The following IRS1 variants were observed in gnomAD, a reference collection of about 807,000 sequenced individuals.
The protein encoded by IRS1 is insulin receptor substrate 1.
Under a neutral mutation model 65.6 loss-of-function variants are expected in IRS1, and 34 were observed. The ratio of observed to expected loss-of-function variants is 0.52; its 90% CI spans 0.39 to 0.69. The LOEUF is 0.69. Ranked by LOEUF, IRS1 falls within the 30% of genes least tolerant of loss-of-function variation. The pLI is 0.00. For synonymous variants in IRS1, 699 were observed against 683.5 expected (o/e 1.02, Z -0.35); for missense variants, 1,641 against 1,720.2 (o/e 0.95, Z 0.81).
chr2:226,777,721 C>G (rs1227822653), intron 1 of IRS1, among the ~76,000 whole-genome samples: 1 of 152,194 alleles, frequency 6.6e-6, no homozygotes, highest in Non-Finnish European at 1.5e-5. Flanking sequence ...TGCACAAGCT[C>G]TCTTTTTGCC....
chr2:226,785,400 T>C (rs57211760), intron 1 of IRS1, among the ~76,000 whole-genome samples: 22,873 of 152,066 alleles, frequency 0.15, 2,140 homozygotes, highest in South Asian at 0.27. Context: ...GTCAGGAGTC[T>C]GAGACCAGTT....
chr2:226,762,169 A>G (rs1268150066), intron 1 of IRS1, among the ~76,000 whole-genome samples: 1 of 152,192 alleles, frequency 6.6e-6, no homozygotes, highest in Non-Finnish European at 1.5e-5. Flanking sequence ...TTAGTTACTC[A>G]AAATCTTGAC....
At position 226,799,818 on chromosome 2, in the gene IRS1, G is replaced by A; in HGVS notation, c.-1080C>T. On this transcript the variant is annotated 5_prime_UTR_variant, in exon 1 of 2. Coordinates refer to ENST00000305123, the MANE Select transcript of IRS1 (RefSeq NM_005544.3). The surrounding 1 kb of genome is among the most constrained non-coding windows in gnomAD (Gnocchi z 6.1). Reference sequence around the variant, plus strand: ...CTCCGCGCTCGGCAGCCGGGCAGCCGCCGCCGGGAGGCTCCCGCCCGGGTC... The same window carrying A: ...CTCCGCGCTCGGCAGCCGGGCAGCCACCGCCGGGAGGCTCCCGCCCGGGTC... 1 of 987,010 alleles carries A rather than the reference G, an allele frequency of 1.0e-6. No individual in the cohort carries two copies. The highest frequency in any genetic ancestry group is 1.2e-6 in the Non-Finnish European group (1 of 829,672). The allele number at this position is 987,010 out of a possible 1,614,324, so 61.1% of individuals were successfully genotyped here.
chr2:226,752,072 T>C (rs1938695636), intron 1 of IRS1, among the ~76,000 whole-genome samples: 1 of 152,192 alleles, frequency 6.6e-6, no homozygotes, highest in Admixed American at 6.5e-5. Context: ...TATTAAGACA[T>C]GCTTGCTCCC....
chr2:226,757,531 G>T (rs1444266499), intron 1 of IRS1, among the ~76,000 whole-genome samples: 1 of 152,118 alleles, frequency 6.6e-6, no homozygotes, highest in East Asian at 1.9e-4. Context: ...CAAGAAAATT[G>T]CTTGAACCCG....
chr2:226,747,441 T>G (rs1446161841), intron 1 of IRS1, among the ~76,000 whole-genome samples: 1 of 152,038 alleles, frequency 6.6e-6, no homozygotes, highest in African/African-American at 2.4e-5. Flanking sequence ...CACAGGAGGC[T>G]ACAATAAGAA....
chr2:226,749,110 A>G (rs1206818423), intron 1 of IRS1, among the ~76,000 whole-genome samples: 1 of 152,236 alleles, frequency 6.6e-6, no homozygotes, highest in Non-Finnish European at 1.5e-5. Context: ...ACAGGCTATA[A>G]TTAACACTTA....
chr2:226,798,065 A>G lies in IRS1; in HGVS notation c.674T>C (p.Val225Ala). Residue 225 changes from valine (V) to alanine (A), a missense_variant, in exon 1 of 2, where the codon GTG becomes GCG. Transcript: ENST00000305123. This position sits in a 1 kb window ranked among gnomAD's most constrained non-coding sequence, Gnocchi z 9.4. The stretch of plus-strand genomic sequence containing the variant: ...GGGCCCCGTCACGGCAGAACGGCCC[A>G]CCTCGATGAAGAAGAAGTTTTCCGA... ...GHSENFFFIE[V>A]GRSAVTGPGE... 1 of 1,614,010 alleles carries G rather than the reference A, an allele frequency of 6.2e-7. No individual in the cohort carries two copies. Among genetic ancestry groups the G allele is most frequent in the Middle Eastern group, 1.6e-4 (1 of 6,062 alleles).
At position 226,749,039 on chromosome 2, in the gene IRS1, C is replaced by T. The variant is rs535570761; in HGVS notation, c.*22-12789G>A. On this transcript the variant is annotated intron_variant, in intron 1 of 1. Transcript: ENST00000305123. The stretch of plus-strand genomic sequence containing the variant: ...TCTTTCTAGACCATAGCCTGAGACG[C>T]TGACAAAATGCTTTCAAAATAAAAG... Among the ~76,000 whole-genome samples, 9 of 152,214 alleles carry T rather than the reference C, an allele frequency of 5.9e-5. No homozygotes were observed. The South Asian group carries it at 1.7e-3, about 28-fold the overall frequency.
At position 226,799,077 on chromosome 2, in the gene IRS1, G is replaced by T. The variant is rs1238045600; in HGVS notation, c.-339C>A. On this transcript the variant is annotated 5_prime_UTR_variant, in exon 1 of 2. Transcript: ENST00000305123. This position sits in a 1 kb window ranked among gnomAD's most constrained non-coding sequence, Gnocchi z 6.1. ...AAGGAGCGAAGATGCATCTCTCGTC[G>T]CCCCGGCTGGAGTCCGGCACAGGGA... is the stretch of plus-strand genomic sequence containing the variant. 2 of 1,251,078 alleles carry T rather than the reference G, an allele frequency of 1.6e-6. No individual in the cohort carries two copies. Among genetic ancestry groups the T allele is most frequent in the African/African-American group, 1.6e-5 (1 of 63,944 alleles). The allele number at this position is 1,251,078 out of a possible 1,614,324, so 77.5% of individuals were successfully genotyped here.
At position 226,798,940 on chromosome 2, in the gene IRS1, C is replaced by G. The variant is rs1181190627; in HGVS notation, c.-202G>C. On this transcript the variant is annotated 5_prime_UTR_variant, in exon 1 of 2. Transcript: ENST00000305123. The surrounding 1 kb of genome is among the most constrained non-coding windows in gnomAD (Gnocchi z 9.4). ...CAGCTGCTGAGCCCAGGAGAGAGCC[C>G]GACCGGAGTTTTCGGGCGCTTCACG... 8.3e-6 allele frequency: 12 copies of G among 1,449,454 alleles called. No individual in the cohort carries two copies. Among genetic ancestry groups the G allele is most frequent in the African/African-American group, 5.7e-5 (4 of 69,652 alleles). The allele number at this position is 1,449,454 out of a possible 1,614,324, so 89.8% of individuals were successfully genotyped here.
intron 1 of IRS1, among the ~76,000 whole-genome samples, chr2:226,766,548 G>A (rs1342861598): frequency 6.6e-6 from 1 of 152,070 alleles, no homozygotes; most frequent in Non-Finnish European, 1.5e-5. Flanking sequence ...TGACTCATCT[G>A]CTAGATCTTT....
At position 226,797,122 on chromosome 2, in the gene IRS1, G is replaced by A; in HGVS notation, c.1617C>T (p.Thr539=). ...TGGAAGCCACTGAGGACTGGGACGG[G>A]GTCTTCTGGTGGGTAATGGTAGGGG... The part of the protein sequence containing the change: ...GTSPTITHQK[T]PSQSSVASIE... The change falls in exon 1 of 2, where the codon ACC becomes ACT. Residue 539 remains threonine, a synonymous_variant. Coordinates refer to ENST00000305123, the MANE Select transcript of IRS1 (RefSeq NM_005544.3). The surrounding 1 kb of genome is among the most constrained non-coding windows in gnomAD (Gnocchi z 8.1). 6.2e-7 allele frequency: 1 copy of A among 1,613,844 alleles called. No homozygotes were observed. Among genetic ancestry groups the A allele is most frequent in the Non-Finnish European group, 8.5e-7 (1 of 1,180,014 alleles).
intron 1 of IRS1, among the ~76,000 whole-genome samples, chr2:226,777,900 C>T (rs1182472530): frequency 6.6e-6 from 1 of 152,026 alleles, no homozygotes; most frequent in African/African-American, 2.4e-5. Flanking sequence ...AATCCACTGA[C>T]CCTATTATTA....
At position 226,754,765 on chromosome 2, in the gene IRS1, T is replaced by C. The variant is rs1365156952; in HGVS notation, c.*22-18515A>G. Among the ~76,000 whole-genome samples, 3 of 152,234 alleles carry C rather than the reference T, an allele frequency of 2.0e-5. No homozygotes were observed. In the East Asian group the frequency reaches 5.8e-4, roughly 29 times the overall value. ...ATTACATACTGAAATGCCATTCTGT[T>C]AAATCTAAACTAAATCAGCTAAAAC... On this transcript the variant is annotated intron_variant, in intron 1 of 1. Coordinates refer to ENST00000305123, the MANE Select transcript of IRS1 (RefSeq NM_005544.3).
In IRS1 at chr2:226,731,559, C is replaced by T. The variant is rs1263735838; in HGVS notation, c.*4713G>A. The stretch of plus-strand genomic sequence containing the variant: ...AAAAAATATATACCTGGCCTGGCAC[C>T]CATTACATATATACATAATACATGT... On this transcript the variant is annotated 3_prime_UTR_variant, in exon 2 of 2. Transcript: ENST00000305123. 3 of 152,154 alleles carry T rather than the reference C, an allele frequency of 2.0e-5. No individual in the cohort carries two copies. The highest frequency in any genetic ancestry group is 4.1e-4 in the South Asian group (2 of 4,820). The allele number at this position is 152,154 out of a possible 1,614,324, so 9.4% of individuals were successfully genotyped here. A position where few individuals can be genotyped will look rare whatever the true frequency, so the allele number is the denominator to read the frequency against.
chr2:226,740,892 A>T (rs1246809195), intron 1 of IRS1, among the ~76,000 whole-genome samples: 2 of 152,142 alleles, frequency 1.3e-5, no homozygotes, highest in Non-Finnish European at 2.9e-5. Context: ...GAAATCTTAT[A>T]TTGTAGATGG....
chr2:226,766,120 CTTATATATATATATATATAT>C (rs1939026186), intron 1 of IRS1, among the ~76,000 whole-genome samples: 1 of 31,688 alleles, frequency 3.2e-5, no homozygotes, highest in African/African-American at 1.3e-4. Context: ...CTCTCTTAAT[CTTATATATATATATATATAT>C]ATATATATAT....
At chr2:226,792,302 C>T (rs1939627469) in intron 1 of IRS1, 1 of 152,058 alleles carries the variant, frequency 6.6e-6, no homozygotes, top group African/African-American at 2.4e-5. Flanking sequence ...CTGCTATGAC[C>T]GAGTCTGAGA....
Sources: allele counts gnomAD v4.1 joint callset (sites outside exome capture counted in the v4.1 genomes callset), GRCh38; gene constraint gnomAD v4.1.1; non-coding constraint Gnocchi (gnomAD v3.1); transcripts MANE v1.5; gene names NCBI Gene and HGNC (gene_info 2026-07-23, HGNC 2026-07-21).